The following GRIA2 variants were observed in gnomAD, a reference collection of about 807,000 sequenced individuals.
The protein encoded by GRIA2 is glutamate ionotropic receptor AMPA type subunit 2.
A neutral mutation model predicts 97.3 loss-of-function variants in GRIA2; 14 were observed. That is an observed-to-expected ratio of 0.14 (90% confidence interval 0.10 to 0.23). The LOEUF (loss-of-function observed/expected upper bound fraction) is 0.23. Among genes scored for constraint, GRIA2 ranks in the 10% least tolerant of loss-of-function variants. GRIA2 has a pLI of 1.00. For synonymous variants in GRIA2, 412 were observed against 387.8 expected, an observed-to-expected ratio of 1.06 and a Z score of -0.73; for missense variants, 558 against 1,069.8, an observed-to-expected ratio of 0.52 and a Z score of 6.67.
intron 12 of GRIA2, among the ~76,000 whole-genome samples, chr4:157,348,213 G>T (rs1735846464): frequency 1.3e-5 from 2 of 152,134 alleles, no homozygotes; most frequent in African/African-American, 4.8e-5. Flanking sequence ...CCAAAGCAAA[G>T]AAATTGGTAA....
At chr4:157,329,215 T>C (rs1734940014) in intron 6 of GRIA2, among the ~76,000 whole-genome samples, 1 of 152,116 alleles carries the variant, frequency 6.6e-6, no homozygotes, top group Non-Finnish European at 1.5e-5. Flanking sequence ...ATTTTTCTTA[T>C]AGATTTACTT....
chr4:157,286,073 A>C (rs2126824453), intron 2 of GRIA2, among the ~76,000 whole-genome samples: 1 of 151,660 alleles, frequency 6.6e-6, no homozygotes, highest in South Asian at 2.1e-4. Context: ...GTTTCTATGT[A>C]TCAACCTTTG....
chr4:157,282,861 A>G (rs1204205136), intron 2 of GRIA2, among the ~76,000 whole-genome samples: 1 of 152,092 alleles, frequency 6.6e-6, no homozygotes, highest in Non-Finnish European at 1.5e-5. Flanking sequence ...GACATCCAAA[A>G]GAATGCACTG....
chr4:157,254,393 T>G (rs890406869), intron 2 of GRIA2, among the ~76,000 whole-genome samples: 4 of 152,106 alleles, frequency 2.6e-5, no homozygotes, highest in Non-Finnish European at 4.4e-5. Flanking sequence ...AACCAATTTA[T>G]GTCATAGAAG....
At chr4:157,296,910 T>C (rs868866000) in intron 2 of GRIA2, among the ~76,000 whole-genome samples, 28 of 152,216 alleles carry the variant, frequency 1.8e-4, no homozygotes, top group South Asian at 4.1e-4. Flanking sequence ...ACTAGACAAA[T>C]ATAAAACAGG....
At chr4:157,299,274 C>T (rs1343326767) in intron 2 of GRIA2, among the ~76,000 whole-genome samples, 1 of 151,996 alleles carries the variant, frequency 6.6e-6, no homozygotes, top group Non-Finnish European at 1.5e-5. Flanking sequence ...AAATCAGGGG[C>T]AAACTATGCA....
intron 2 of GRIA2, among the ~76,000 whole-genome samples, chr4:157,222,495 G>C (rs1321629100): frequency 6.6e-6 from 1 of 152,168 alleles, no homozygotes; most frequent in Non-Finnish European, 1.5e-5. Context: ...GGAGGCGGTG[G>C]AAAGGGGGAG....
At chr4:157,277,731 A>T (rs2126804654) in intron 2 of GRIA2, among the ~76,000 whole-genome samples, 1 of 150,900 alleles carries the variant, frequency 6.6e-6, no homozygotes. Context: ...ATACAACAAC[A>T]TTGAACCAGA....
At chr4:157,241,993 A>G (rs1430850503) in intron 2 of GRIA2, among the ~76,000 whole-genome samples, 1 of 152,072 alleles carries the variant, frequency 6.6e-6, no homozygotes. Context: ...CCTCTCTCGT[A>G]TTTAATTATA....
intron 9 of GRIA2, 41 bp from the exon 10 acceptor site, chr4:157,335,630 A>G (rs1735247636): frequency 1.7e-6 from 2 of 1,182,724 alleles, no homozygotes; most frequent in African/African-American, 1.5e-5. Context: ...CATAATTAAC[A>G]CAGATATTTT....
chr4:157,353,302 A>C (rs906036629), intron 12 of GRIA2, among the ~76,000 whole-genome samples: 4 of 151,822 alleles, frequency 2.6e-5, no homozygotes, highest in African/African-American at 9.7e-5. Context: ...TGGTGAGCCA[A>C]GATGGCGCCA....
chr4:157,241,516 A>G (rs900242030), intron 2 of GRIA2, among the ~76,000 whole-genome samples: 3 of 152,088 alleles, frequency 2.0e-5, no homozygotes, highest in Non-Finnish European at 4.4e-5. Context: ...TTCTTTCTAG[A>G]TATCTGTTTA....
chr4:157,315,926 A>G (rs1024578719), intron 4 of GRIA2, among the ~76,000 whole-genome samples: 26 of 152,204 alleles, frequency 1.7e-4, no homozygotes, highest in African/African-American at 6.3e-4. Context: ...TTATAAATTA[A>G]TATAACTTTT....
chr4:157,251,496 C>G (rs911419838), intron 2 of GRIA2, among the ~76,000 whole-genome samples: 2 of 152,080 alleles, frequency 1.3e-5, no homozygotes, highest in Non-Finnish European at 2.9e-5. Context: ...GGAGTCTGTA[C>G]AGTTAAAATT....
intron 2 of GRIA2, among the ~76,000 whole-genome samples, chr4:157,268,142 G>A (rs907621016): frequency 2.6e-5 from 4 of 152,014 alleles, no homozygotes; most frequent in South Asian, 2.1e-4. Context: ...ATTCATAAAC[G>A]AGACAGGTCT....
intron 2 of GRIA2, among the ~76,000 whole-genome samples, chr4:157,238,795 C>G (rs1431778838): frequency 6.6e-6 from 1 of 152,044 alleles, no homozygotes; most frequent in African/African-American, 2.4e-5. Flanking sequence ...AAATCCAATC[C>G]AGACTATAAT....
chr4:157,286,668 G>A (rs1337691231), intron 2 of GRIA2, among the ~76,000 whole-genome samples: 1 of 151,330 alleles, frequency 6.6e-6, no homozygotes, highest in Non-Finnish European at 1.5e-5. Flanking sequence ...ATCCTTAGGT[G>A]CAACTATTTC....
At chr4:157,230,984 G>A (rs1729987522) in intron 2 of GRIA2, among the ~76,000 whole-genome samples, 1 of 151,950 alleles carries the variant, frequency 6.6e-6, no homozygotes. Context: ...CTCCCAAGTA[G>A]CTGGGACTAC....
chr4:157,364,953 C>T lies in GRIA2; in HGVS notation c.*1522C>T, dbSNP rs41280447. The T allele has an allele frequency of 5.3e-5, 8 of 151,604 alleles. No homozygotes were observed. Among genetic ancestry groups the T allele is most frequent in the Non-Finnish European group, 8.9e-5 (6 of 67,686 alleles). The allele number at this position is 151,604 out of a possible 1,614,324, so 9.4% of individuals were successfully genotyped here. On this transcript the variant is annotated 3_prime_UTR_variant, in exon 16 of 16. Coordinates refer to ENST00000264426, the MANE Select transcript of GRIA2 (RefSeq NM_001083619.3). Reference sequence around the variant, plus strand: ...TAGTTAATGAATTTAAAGGATCTATCTTTCCCTTCATAAAATACCTCTTAT... The same window carrying T: ...TAGTTAATGAATTTAAAGGATCTATTTTTCCCTTCATAAAATACCTCTTAT...
Sources: gnomAD v4.1 joint callset for allele counts (sites outside exome capture counted in the v4.1 genomes callset) on GRCh38, gnomAD v4.1.1 for gene constraint, MANE v1.5 for transcripts, NCBI Gene and HGNC (gene_info 2026-07-23, HGNC 2026-07-21) for gene names.